VXN: variants seen among roughly 807,000 people sequenced by gnomAD.
VXN encodes the protein uncharacterized protein C8orf46.
In VXN, 7 loss-of-function variants were observed where a neutral mutation model predicts 23.1. The observed-to-expected ratio is 0.30, with a 90% CI of 0.17 to 0.57. The LOEUF (loss-of-function observed/expected upper bound fraction) is 0.57, where lower values mean the gene tolerates loss of function less well. VXN is among the 20% of genes least tolerant of loss of function. The pLI is 0.91. For synonymous variants in VXN, 120 were observed against 105.8 expected (o/e 1.13, Z -0.83); for missense variants, 238 against 272.6 (o/e 0.87, Z 0.89).
chr8:66,501,940 T>C (rs1297768046), intron 2 of VXN, among the ~76,000 whole-genome samples: 1 of 152,210 alleles, frequency 6.6e-6, no homozygotes, highest in East Asian at 1.9e-4. Context: ...ATAATTCTTA[T>C]TTTGCAACTG....
At position 66,515,987 on chromosome 8, in the gene VXN, G is replaced by A. The variant is rs758981792; in HGVS notation, c.535G>A (p.Val179Ile). The stretch of plus-strand genomic sequence containing the variant: ...ACTGACAGGCAGTGCTTCCTGCGGC[G>A]TCCCCGGCATCCTCCGGAAAATGTG... Reference protein sequence around the residue: ...LPLTGSASCGVPGILRKMWTR... With the variant: ...LPLTGSASCGIPGILRKMWTR... The change falls in exon 6 of 6, where the codon GTC (valine) becomes ATC (isoleucine). Residue 179 changes from valine (V) to isoleucine (I), a missense_variant. This residue lies in a region of VXN where 223 missense variants were observed against 236.9 expected (regional missense o/e 0.94). Transcript: ENST00000305454. 2.6e-5 allele frequency: 42 copies of A among 1,613,710 alleles called. No homozygotes were observed. The highest frequency in any genetic ancestry group is 6.7e-5 in the East Asian group (3 of 44,856).
intron 4 of VXN, 64 bp from the exon 5 acceptor site, chr8:66,513,476 T>G: frequency 7.4e-7 from 1 of 1,360,050 alleles, no homozygotes; most frequent in South Asian, 1.2e-5. Flanking sequence ...GCAGACAGCC[T>G]CAGTCAGGGC....
rs1288242910 is a variant in VXN at position 66,516,060 on chromosome 8, C to A, written c.608C>A (p.Ala203Asp). ...KSEYVGATNS[A>D]FEAD ...GAATATGTGGGAGCCACCAACAGCG[C>A]CTTTGAGGCCGACTAAAGGTGACCC... The change falls in exon 6 of 6, where the codon GCC becomes GAC. Residue 203 changes from alanine to aspartate, a missense_variant. Around this residue, in one of 2 missense-constraint regions of VXN, gnomAD observed 223 missense variants for 236.9 expected, o/e 0.94. Coordinates refer to ENST00000305454, the MANE Select transcript of VXN (RefSeq NM_152765.4). The A allele has an allele frequency of 2.5e-6, 4 of 1,610,296 alleles. No homozygotes were observed.
chr8:66,505,482 C>T lies in VXN; in HGVS notation c.234C>T (p.Thr78=). 12 of 1,568,462 alleles carry T rather than the reference C, an allele frequency of 7.7e-6. No individual in the cohort carries two copies. Among genetic ancestry groups the T allele is most frequent in the Non-Finnish European group, 1.0e-5 (12 of 1,158,658 alleles). Residue 78 remains threonine, a synonymous_variant, in exon 3 of 6, where the codon ACC becomes ACT. Transcript: ENST00000305454. The stretch of plus-strand genomic sequence containing the variant: ...GCCGCAGGTTTGGGCGGCTCCAGAC[C>T]GCGCGGCCGCCCACAGCCCACCCGG... ...GDRRRFGRLQ[T]ARPPTAHPAK...
intron 2 of VXN, among the ~76,000 whole-genome samples, chr8:66,500,935 G>A (rs999460564): frequency 1.5e-4 from 22 of 146,292 alleles, no homozygotes; most frequent in Middle Eastern, 3.5e-3. Flanking sequence ...GTGCCATGGC[G>A]TGATCTCAGC....
chr8:66,511,751 T>C (rs1478509539), intron 4 of VXN, among the ~76,000 whole-genome samples: 1 of 151,784 alleles, frequency 6.6e-6, no homozygotes, highest in African/African-American at 2.4e-5. Context: ...GGGGATGTAG[T>C]TACAAAGAGG....
intron 4 of VXN, among the ~76,000 whole-genome samples, chr8:66,512,963 C>T (rs1004111364): frequency 3.3e-5 from 5 of 151,934 alleles, no homozygotes; most frequent in African/African-American, 9.7e-5. Context: ...GGTGGGTGGG[C>T]GGGGTTGGAG....
At chr8:66,505,121 C>T in intron 2 of VXN, 1 of 608,868 alleles carries the variant, frequency 1.6e-6, no homozygotes, top group East Asian at 3.1e-5. Context: ...TGTTGAGGAA[C>T]ACCCCTGCCC....
At chr8:66,509,091 G>A (rs1807792768) in intron 3 of VXN, among the ~76,000 whole-genome samples, 1 of 152,218 alleles carries the variant, frequency 6.6e-6, no homozygotes, top group South Asian at 2.1e-4. Context: ...ACAAAAATGT[G>A]AGCTGCTATT....
At position 66,510,174 on chromosome 8, in the gene VXN, T is replaced by C. The variant is rs1261553643; in HGVS notation, c.342+17T>C. 6.3e-7 allele frequency: 1 copy of C among 1,597,896 alleles called. No individual in the cohort carries two copies. Among genetic ancestry groups the C allele is most frequent in the Non-Finnish European group, 8.6e-7 (1 of 1,168,818 alleles). ...AAATCTCTGGTAAGTAAAATAAGCC[T>C]GCTTAGTTGTATCTGTTGTGCATTA... On this transcript the variant is annotated intron_variant, in intron 4 of 5. Coordinates refer to ENST00000305454, the MANE Select transcript of VXN (RefSeq NM_152765.4).
chr8:66,497,569 T>C (rs968144929), intron 2 of VXN, among the ~76,000 whole-genome samples: 4 of 152,218 alleles, frequency 2.6e-5, no homozygotes, highest in African/African-American at 9.6e-5. Flanking sequence ...ATTTTATATA[T>C]AAATTTCTTT....
At chr8:66,503,322 T>C (rs1283294079) in intron 2 of VXN, 2 of 152,194 alleles carry the variant, frequency 1.3e-5, no homozygotes, top group Admixed American at 6.5e-5. Flanking sequence ...GGCTAGAACA[T>C]TTCTGTGAAT....
At chr8:66,497,606 G>A (rs957655) in intron 2 of VXN, among the ~76,000 whole-genome samples, 46,712 of 152,022 alleles carry the variant, frequency 0.31, 8,325 homozygotes, top group African/African-American at 0.48. Flanking sequence ...ACATCTTTGC[G>A]CTTTAAAGTT....
intron 5 of VXN, chr8:66,513,871 C>A: frequency 2.1e-6 from 1 of 481,518 alleles, no homozygotes; most frequent in Non-Finnish European, 3.6e-6. Context: ...ACTTCATTAA[C>A]GCCACTCTTT....
Position 66,515,974 on chromosome 8 carries a change from T to G in VXN, c.522T>G (p.Ser174Arg). Residue 174 changes from serine (S) to arginine (R), a missense_variant, in exon 6 of 6, where the codon AGT becomes AGG. Ser to Arg is a moderately radical substitution (Grantham distance 110). This residue lies in a region of VXN where 223 missense variants were observed against 236.9 expected (regional missense o/e 0.94). Coordinates refer to ENST00000305454, the MANE Select transcript of VXN (RefSeq NM_152765.4). ...GAEASLPLTG[S>R]ASCGVPGILR... ...AAGCCTCTCTACCACTGACAGGCAG[T>G]GCTTCCTGCGGCGTCCCCGGCATCC... 3.1e-6 allele frequency: 5 copies of G among 1,613,980 alleles called. No homozygotes were observed. Among genetic ancestry groups the G allele is most frequent in the Non-Finnish European group, 4.2e-6 (5 of 1,179,996 alleles).
Position 66,516,334 on chromosome 8 carries a change from T to G in VXN, c.*258T>G. On this transcript the variant is annotated 3_prime_UTR_variant, in exon 6 of 6. Transcript: ENST00000305454. ...TGGGAGGTCATAAAGTTTGTATCTC[T>G]ATCTTTAAGCAAAAAATTAAACTTT... is the stretch of plus-strand genomic sequence containing the variant. The G allele has an allele frequency of 3.4e-6, 1 of 296,954 alleles. No individual in the cohort carries two copies. The highest frequency in any genetic ancestry group is 5.6e-5 in the East Asian group (1 of 17,726). The allele number at this position is 296,954 out of a possible 1,614,324, so 18.4% of individuals were successfully genotyped here.
intron 4 of VXN, among the ~76,000 whole-genome samples, chr8:66,511,191 C>A (rs1807819936): frequency 6.6e-6 from 1 of 152,162 alleles, no homozygotes; most frequent in Admixed American, 6.5e-5. Context: ...ATCAGTACAT[C>A]TCCCTCATCT....
chr8:66,517,087 T>C lies in VXN; in HGVS notation c.*1011T>C, dbSNP rs1807906243. The C allele has an allele frequency of 6.6e-6, 1 of 152,248 alleles. No individual in the cohort carries two copies. Among genetic ancestry groups the C allele is most frequent in the South Asian group, 2.1e-4 (1 of 4,836 alleles). 9.4% of individuals were successfully genotyped at this position (152,248 alleles called of 1,614,324 possible). A position where few individuals can be genotyped will look rare whatever the true frequency, so the allele number is the denominator to read the frequency against. On this transcript the variant is annotated 3_prime_UTR_variant, in exon 6 of 6. Coordinates refer to ENST00000305454, the MANE Select transcript of VXN (RefSeq NM_152765.4). ...ACACTATTATATCTTATATGTTAGC[T>C]TGAACCAGAAAAAGTTGACATTTTT...
intron 2 of VXN, among the ~76,000 whole-genome samples, chr8:66,504,509 G>A (rs891032039): frequency 6.7e-6 from 1 of 149,718 alleles, no homozygotes; most frequent in Non-Finnish European, 1.5e-5. Context: ...TCCATAGTAA[G>A]ATAAAATGGC....
Sources: gnomAD v4.1 joint callset for allele counts (sites outside exome capture counted in the v4.1 genomes callset) on GRCh38, gnomAD v4.1.1 for gene constraint, gnomAD v4.1.1 regional missense constraint, MANE v1.5 for transcripts, NCBI Gene and HGNC (gene_info 2026-07-23, HGNC 2026-07-21) for gene names.